POU2F1: variants seen among roughly 807,000 people sequenced by gnomAD.
The protein encoded by POU2F1 is POU class 2 homeobox 1, also known as POU domain, class 2, transcription factor 1.
A neutral mutation model predicts 84.9 loss-of-function variants in POU2F1; 16 were observed. The observed-to-expected ratio is 0.19, with a 90% CI of 0.13 to 0.29. POU2F1 has a LOEUF of 0.29. Among genes scored for constraint, POU2F1 ranks in the 10% least tolerant of loss-of-function variants. POU2F1 has a pLI of 1.00. For missense variants in POU2F1, 738 were observed against 942.6 expected, an observed-to-expected ratio of 0.78 and a Z score of 2.84; for synonymous variants, 368 against 368.3, an observed-to-expected ratio of 1.00 and a Z score of 0.01.
chr1:167,396,451 C>A (rs369844289), intron 10 of POU2F1, 24 bp downstream of exon 10: 4 of 1,598,784 alleles, frequency 2.5e-6, no homozygotes, highest in Non-Finnish European at 3.4e-6. Context: ...TAAGACATTT[C>A]TTTGTCATTC....
intron 1 of POU2F1, among the ~76,000 whole-genome samples, chr1:167,285,222 G>A (rs1011151600): frequency 6.6e-5 from 10 of 152,298 alleles, no homozygotes; most frequent in African/African-American, 2.4e-4. Context: ...TCACATTTAA[G>A]CCTACCTAGC....
intron 13 of POU2F1, among the ~76,000 whole-genome samples, chr1:167,405,306 G>A (rs1649493192): frequency 6.6e-6 from 1 of 151,676 alleles, no homozygotes; most frequent in Non-Finnish European, 1.5e-5. Context: ...AAACAAAAAG[G>A]AATAAAATTC....
At chr1:167,359,874 T>G (rs941993181) in intron 2 of POU2F1, among the ~76,000 whole-genome samples, 57 of 149,934 alleles carry the variant, frequency 3.8e-4, no homozygotes, top group African/African-American at 1.4e-3. Flanking sequence ...TACTTTTTAA[T>G]AATAGTCTGC....
intron 2 of POU2F1, among the ~76,000 whole-genome samples, chr1:167,344,332 C>A (rs1404136784): frequency 6.6e-6 from 1 of 152,152 alleles, no homozygotes; most frequent in Non-Finnish European, 1.5e-5. Flanking sequence ...CCATAGGAGC[C>A]TTAAAATGTG....
intron 9 of POU2F1, among the ~76,000 whole-genome samples, chr1:167,391,927 A>AT (rs1439026613): frequency 2.0e-5 from 3 of 152,128 alleles, no homozygotes; most frequent in Non-Finnish European, 4.4e-5. Flanking sequence ...ATATGTAATG[A>AT]TTTTTTAAAT....
At chr1:167,398,540 T>C (rs529926834) in intron 11 of POU2F1, among the ~76,000 whole-genome samples, 285 of 152,256 alleles carry the variant, frequency 1.9e-3, no homozygotes, top group African/African-American at 6.7e-3. Context: ...GTTGGTTAAA[T>C]TGTAGTGTCT....
chr1:167,304,836 A>C (rs368785118), intron 1 of POU2F1, among the ~76,000 whole-genome samples: 256 of 152,358 alleles, frequency 1.7e-3, no homozygotes, highest in African/African-American at 6.0e-3. Flanking sequence ...GATAAGCAAT[A>C]ATTTATTTTC....
At chr1:167,382,779 T>C in intron 7 of POU2F1, among the ~76,000 whole-genome samples, 1 of 152,234 alleles carries the variant, frequency 6.6e-6, no homozygotes, top group Non-Finnish European at 1.5e-5. Flanking sequence ...TTAGAAAAAT[T>C]CAAATCTATT....
At chr1:167,324,178 G>A (rs186865548) in intron 1 of POU2F1, among the ~76,000 whole-genome samples, 3 of 152,234 alleles carry the variant, frequency 2.0e-5, no homozygotes, top group African/African-American at 4.8e-5. Context: ...TAAAAAAATA[G>A]AAAAGCATTA....
At chr1:167,294,314 A>G (rs943235854) in intron 1 of POU2F1, among the ~76,000 whole-genome samples, 1 of 151,918 alleles carries the variant, frequency 6.6e-6, no homozygotes, top group Non-Finnish European at 1.5e-5. Flanking sequence ...ATGCCACTGC[A>G]CTCCAGCCTG....
intron 1 of POU2F1, among the ~76,000 whole-genome samples, chr1:167,290,671 T>G (rs1015690576): frequency 1.3e-5 from 2 of 152,174 alleles, no homozygotes; most frequent in Non-Finnish European, 2.9e-5. Flanking sequence ...GTGTGAACAT[T>G]TTATGAAATT....
chr1:167,294,172 CAAAA>C (rs60846607), intron 1 of POU2F1, among the ~76,000 whole-genome samples: 71 of 30,958 alleles, frequency 2.3e-3, no homozygotes, highest in Non-Finnish European at 4.8e-3. Context: ...TACTAAAATA[CAAAA>C]AAAAAAAAAA....
chr1:167,324,366 T>G (rs1303774288), intron 1 of POU2F1, among the ~76,000 whole-genome samples: 1 of 149,046 alleles, frequency 6.7e-6, no homozygotes, highest in Non-Finnish European at 1.5e-5. Context: ...TAGTATTTAG[T>G]CTATACATAT....
intron 2 of POU2F1, among the ~76,000 whole-genome samples, chr1:167,349,821 A>G (rs140628279): frequency 2.5e-4 from 38 of 152,276 alleles, no homozygotes; most frequent in African/African-American, 8.4e-4. Flanking sequence ...ACATAAGCAA[A>G]AATAATTGTT....
intron 7 of POU2F1, among the ~76,000 whole-genome samples, chr1:167,381,989 A>G (rs1647602516): frequency 8.0e-5 from 1 of 12,440 alleles, no homozygotes. Context: ...AATAGTTAAC[A>G]TAGTTTTGTT....
In POU2F1 at chr1:167,237,772, A is replaced by ATATATT. The variant is rs1649605925; in HGVS notation, c.61+16815_61+16816insATATTT. ...TATATATATATATATATATATATAT[A>ATATATT]TTTTTTTTTTTTTTTTTTTTTTTTT... is the stretch of plus-strand genomic sequence containing the variant. On this transcript the variant is annotated intron_variant, in intron 1 of 15. Coordinates refer to ENST00000367866, the MANE Select transcript of POU2F1 (RefSeq NM_002697.4). Among the ~76,000 whole-genome samples the ATATATT allele has an allele frequency of 5.3e-4, 16 of 29,944 alleles. 1 individual carries two copies. Among genetic ancestry groups the ATATATT allele is most frequent in the African/African-American group, 2.3e-3 (15 of 6,614 alleles). The allele number at this position is 29,944 out of a possible 152,430, so 19.6% of individuals were successfully genotyped here.
intron 2 of POU2F1, among the ~76,000 whole-genome samples, chr1:167,355,414 C>A (rs1658871033): frequency 6.6e-6 from 1 of 152,024 alleles, no homozygotes; most frequent in Non-Finnish European, 1.5e-5. Flanking sequence ...ATTATTATTG[C>A]TCTCTAAATG....
chr1:167,391,182 C>T (rs73026272), intron 9 of POU2F1, among the ~76,000 whole-genome samples: 10,484 of 152,196 alleles, frequency 0.069, 1,153 homozygotes, highest in African/African-American at 0.23. Flanking sequence ...TCAATCAACC[C>T]TCCCGCCTTG....
At chr1:167,223,580 C>T (rs370959484) in intron 1 of POU2F1, among the ~76,000 whole-genome samples, 27 of 152,034 alleles carry the variant, frequency 1.8e-4, no homozygotes, top group African/African-American at 5.8e-4. Context: ...TGGTGAGTGG[C>T]TAGCTATGTA....
Sources: gnomAD v4.1 joint callset for allele counts (sites outside exome capture counted in the v4.1 genomes callset) on GRCh38, gnomAD v4.1.1 for gene constraint, MANE v1.5 for transcripts, NCBI Gene and HGNC (gene_info 2026-07-23, HGNC 2026-07-21) for gene names.